Variants in CDH19 observed in about 807,000 individuals in gnomAD.
CDH19 encodes cadherin-19.
CDH19 carries 67 observed loss-of-function variants against 64.2 expected under a neutral mutation model. The ratio of observed to expected loss-of-function variants is 1.04; its 90% CI spans 0.86 to 1.28. The LOEUF (loss-of-function observed/expected upper bound fraction) is 1.28, where lower values mean the gene tolerates loss of function less well. CDH19 is among the 50% of genes most tolerant of loss of function. The probability of loss-of-function intolerance (pLI) is 0.00; values close to 1 mark genes in which losing one functional copy is unlikely to be tolerated. For missense variants in CDH19, 1,030 were observed against 929.0 expected (o/e 1.11, Z -1.41); for synonymous variants, 346 against 319.3 (o/e 1.08, Z -0.89).
intron 1 of CDH19, among the ~76,000 whole-genome samples, chr18:66,599,043 T>TCC (rs576840371): frequency 1.3e-3 from 195 of 152,246 alleles, no homozygotes; most frequent in African/African-American, 4.5e-3. Context: ...ATAAAGGATA[T>TCC]AATGTAAAAA....
intron 5 of CDH19, 47 bp downstream of exon 5, chr18:66,551,047 C>A: frequency 9.7e-7 from 1 of 1,027,864 alleles, no homozygotes; most frequent in Non-Finnish European, 1.5e-6. Flanking sequence ...ATATTTAACA[C>A]ACTCATATTT....
At position 66,511,656 on chromosome 18, in the gene CDH19, T is replaced by C. The variant is rs749193036; in HGVS notation, c.1488A>G (p.Arg496=). Residue 496 remains arginine, a synonymous_variant, in exon 10 of 12, where the codon AGA becomes AGG. Transcript: ENST00000262150. ...QVIQTISAVD[R]DESIEEHHFY... is the part of the protein sequence containing the mutation. ...AATGGTGCTCTTCTATGGATTCATCTCTATCCACTGCACTGATAGTCTGAA... is the reference window on the plus strand; with the variant it reads ...AATGGTGCTCTTCTATGGATTCATCCCTATCCACTGCACTGATAGTCTGAA... The C allele has an allele frequency of 8.3e-6, 13 of 1,570,448 alleles. No homozygotes were observed. The highest frequency in any genetic ancestry group is 9.6e-6 in the Non-Finnish European group (11 of 1,141,712).
At chr18:66,509,561 A>T (rs921722338) in intron 10 of CDH19, among the ~76,000 whole-genome samples, 15 of 151,800 alleles carry the variant, frequency 9.9e-5, no homozygotes, top group African/African-American at 3.6e-4. Context: ...GAATTAATTA[A>T]ATTGGTTCCA....
intron 3 of CDH19, among the ~76,000 whole-genome samples, chr18:66,565,899 G>A (rs1292648762): frequency 6.6e-6 from 1 of 151,860 alleles, no homozygotes; most frequent in East Asian, 1.9e-4. Flanking sequence ...ACCCTAACTG[G>A]CACTCACACA....
chr18:66,538,691 T>C (rs1387525466), intron 7 of CDH19, among the ~76,000 whole-genome samples: 3 of 152,178 alleles, frequency 2.0e-5, no homozygotes, highest in African/African-American at 7.2e-5. Flanking sequence ...TTAACTCTAT[T>C]AGATTTATTA....
intron 7 of CDH19, among the ~76,000 whole-genome samples, chr18:66,541,720 A>G (rs560242204): frequency 3.4e-4 from 52 of 152,284 alleles, no homozygotes; most frequent in Middle Eastern, 6.8e-3. Flanking sequence ...CATCTGTCAA[A>G]TCATTAAAAC....
intron 1 of CDH19, among the ~76,000 whole-genome samples, chr18:66,596,953 G>T (rs1179227898): frequency 1.4e-5 from 2 of 146,626 alleles, no homozygotes; most frequent in Non-Finnish European, 3.0e-5. Context: ...GTAGTGGCGG[G>T]CGCCTGTAGT....
In CDH19 at chr18:66,504,605, T is replaced by G. The variant is rs528153962; in HGVS notation, c.*207A>C. 3 of 473,982 alleles carry G rather than the reference T, an allele frequency of 6.3e-6. No homozygotes were observed. The South Asian group carries it at 1.6e-4, about 26-fold the overall frequency. The allele number at this position is 473,982 out of a possible 1,614,324, so 29.4% of individuals were successfully genotyped here. A position where few individuals can be genotyped will look rare whatever the true frequency, so the allele number is the denominator to read the frequency against. ...TCTGGTTGTATTGATGCCTGTGAGC[T>G]GATTGTTTACATTTCTCCCCACATC... On this transcript the variant is annotated 3_prime_UTR_variant, in exon 12 of 12. Coordinates refer to ENST00000262150, the MANE Select transcript of CDH19 (RefSeq NM_021153.4).
intron 11 of CDH19, among the ~76,000 whole-genome samples, chr18:66,506,802 G>A (rs1005842834): frequency 3.3e-5 from 5 of 151,744 alleles, no homozygotes; most frequent in African/African-American, 1.2e-4. Flanking sequence ...GTTATGAATA[G>A]TATCACAAAG....
At chr18:66,544,280 T>C in intron 6 of CDH19, 56 bp from the exon 7 acceptor site, 5 of 1,524,394 alleles carry the variant, frequency 3.3e-6, no homozygotes, top group Non-Finnish European at 2.6e-6. Context: ...CAAGATACTA[T>C]TTAGAAAAAA....
At chr18:66,589,269 CA>C (rs1988674267) in intron 1 of CDH19, among the ~76,000 whole-genome samples, 1 of 149,034 alleles carries the variant, frequency 6.7e-6, no homozygotes, top group Non-Finnish European at 1.5e-5. Context: ...TATATACACA[CA>C]TATATATATA....
At chr18:66,567,118 C>T (rs149715843) in intron 3 of CDH19, among the ~76,000 whole-genome samples, 16 of 152,020 alleles carry the variant, frequency 1.1e-4, no homozygotes, top group African/African-American at 3.9e-4. Flanking sequence ...ATTAAAATAA[C>T]TATTTCTTAT....
intron 3 of CDH19, among the ~76,000 whole-genome samples, chr18:66,557,146 A>C (rs1987548716): frequency 6.6e-6 from 1 of 151,960 alleles, no homozygotes; most frequent in South Asian, 2.1e-4. Flanking sequence ...CACAATAGCA[A>C]AGACATGGAA....
At chr18:66,587,051 C>T (rs187883870) in intron 1 of CDH19, among the ~76,000 whole-genome samples, 300 of 152,214 alleles carry the variant, frequency 2.0e-3, no homozygotes, top group African/African-American at 5.3e-3. Context: ...AATAATTGTT[C>T]TGTTTCTCCA....
At chr18:66,597,606 T>C (rs1417142732) in intron 1 of CDH19, among the ~76,000 whole-genome samples, 7 of 152,108 alleles carry the variant, frequency 4.6e-5, no homozygotes, top group Non-Finnish European at 1.0e-4. Flanking sequence ...ATGTGGGACC[T>C]AATCAAACTA....
At position 66,572,038 on chromosome 18, in the gene CDH19, A is replaced by C. The variant is rs779100778; in HGVS notation, c.167T>G (p.Met56Arg). Residue 56 changes from methionine to arginine, a missense_variant, in exon 2 of 12, where the codon ATG becomes AGG. Transcript: ENST00000262150. Reference sequence around the variant, plus strand: ...GCCGATGTGATGACTAGTCGTATTCATTTCCTCTGGTACAAAAAATTGGTT... The same window carrying C: ...GCCGATGTGATGACTAGTCGTATTCCTTTCCTCTGGTACAAAAAATTGGTT... The part of the protein sequence containing the change: ...VWNQFFVPEE[M>R]NTTSHHIGQL... The C allele has an allele frequency of 5.0e-6, 8 of 1,610,874 alleles. 1 individual carries two copies. Among genetic ancestry groups the C allele is most frequent in the Middle Eastern group, 1.7e-4 (1 of 6,040 alleles).
chr18:66,513,595 T>C (rs1198843700), intron 9 of CDH19, among the ~76,000 whole-genome samples: 1 of 151,462 alleles, frequency 6.6e-6, no homozygotes, highest in Non-Finnish European at 1.5e-5. Flanking sequence ...TATTTATTTT[T>C]CCTTTAAATA....
intron 9 of CDH19, among the ~76,000 whole-genome samples, chr18:66,515,822 T>C (rs1985712896): frequency 6.6e-6 from 1 of 151,912 alleles, no homozygotes; most frequent in African/African-American, 2.4e-5. Context: ...ATCTCATTAG[T>C]ATCTTAAATG....
intron 9 of CDH19, among the ~76,000 whole-genome samples, chr18:66,518,406 G>A (rs1306243985): frequency 6.6e-6 from 1 of 151,818 alleles, no homozygotes; most frequent in East Asian, 1.9e-4. Context: ...GCTAATTTTT[G>A]TAGTTTCAGT....
Sources: allele counts gnomAD v4.1 joint callset (sites outside exome capture counted in the v4.1 genomes callset), GRCh38; gene constraint gnomAD v4.1.1; transcripts MANE v1.5; gene names NCBI Gene and HGNC (gene_info 2026-07-23, HGNC 2026-07-21).